Variants in TTC17 observed in about 807,000 individuals in gnomAD.
The protein encoded by TTC17 is tetratricopeptide repeat protein 17.
Under a neutral mutation model 143.8 loss-of-function variants are expected in TTC17, and 58 were observed. The observed-to-expected ratio is 0.40, with a 90% CI of 0.33 to 0.50. The LOEUF is 0.50. Ranked by LOEUF, TTC17 falls within the 20% of genes least tolerant of loss-of-function variation. The pLI is 0.49. For synonymous variants in TTC17, 501 were observed against 497.8 expected (o/e 1.01, Z -0.09); for missense variants, 1,273 against 1,392.5 (o/e 0.91, Z 1.37).
At chr11:43,381,361 C>G (rs985452802) in intron 2 of TTC17, among the ~76,000 whole-genome samples, 1 of 152,020 alleles carries the variant, frequency 6.6e-6, no homozygotes, top group Non-Finnish European at 1.5e-5. Flanking sequence ...CCAAAGCTAC[C>G]GACCTTTTGG....
chr11:43,458,312 C>T (rs575313934), intron 21 of TTC17, among the ~76,000 whole-genome samples: 7 of 152,160 alleles, frequency 4.6e-5, no homozygotes, highest in Non-Finnish European at 8.8e-5. Context: ...TGTGATCCCT[C>T]CAAGTCCATC....
chr11:43,441,555 T>C (rs374595806), intron 16 of TTC17, among the ~76,000 whole-genome samples: 6 of 152,322 alleles, frequency 3.9e-5, no homozygotes, highest in African/African-American at 1.4e-4. Flanking sequence ...GATAGACATA[T>C]AGTAGGCTGT....
At chr11:43,406,434 T>G (rs1190175329) in intron 13 of TTC17, among the ~76,000 whole-genome samples, 1 of 152,164 alleles carries the variant, frequency 6.6e-6, no homozygotes, top group Non-Finnish European at 1.5e-5. Flanking sequence ...TTATGCTCTT[T>G]TCCTAAATTC....
At chr11:43,403,177 T>C (rs181313474) in intron 10 of TTC17, among the ~76,000 whole-genome samples, 16 of 152,256 alleles carry the variant, frequency 1.1e-4, no homozygotes, top group East Asian at 1.9e-4. Flanking sequence ...ATGAAATAGA[T>C]TGAAACCCAA....
chr11:43,444,202 G>A lies in TTC17; in HGVS notation c.2658G>A (p.Gly886=). Residue 886 remains glycine, a synonymous_variant, in exon 18 of 24, where the codon GGG becomes GGA. Transcript: ENST00000039989. ...EITGPKVASP[G]PQGKKRDYQR... ...CTGGCCCCAAGGTGGCATCTCCTGG[G>A]CCACAAGGTAAATTTGAATGTTTAA... 1 of 1,598,134 alleles carries A rather than the reference G, an allele frequency of 6.3e-7. No individual in the cohort carries two copies. Among genetic ancestry groups the A allele is most frequent in the Non-Finnish European group, 8.5e-7 (1 of 1,175,478 alleles).
rs35687112 is a variant in TTC17 at position 43,494,375 on chromosome 11, T to G, written c.*471T>G. 8,750 of 156,266 alleles carry G rather than the reference T, an allele frequency of 0.056. 312 individuals are homozygous for G. Among genetic ancestry groups the G allele is most frequent in the East Asian group, 0.083 (434 of 5,212 alleles). 9.7% of individuals were successfully genotyped at this position (156,266 alleles called of 1,614,324 possible). Reference sequence around the variant, plus strand: ...GAAGCAACGTTCTGCGCTCTCTCCGTTAGACCTCCATGCTGTCCCCAGTCT... The same window carrying G: ...GAAGCAACGTTCTGCGCTCTCTCCGGTAGACCTCCATGCTGTCCCCAGTCT... On this transcript the variant is annotated 3_prime_UTR_variant, in exon 24 of 24. Transcript: ENST00000039989.
At chr11:43,417,999 C>T (rs1946815533) in intron 16 of TTC17, among the ~76,000 whole-genome samples, 1 of 152,152 alleles carries the variant, frequency 6.6e-6, no homozygotes, top group Non-Finnish European at 1.5e-5. Flanking sequence ...ATTTTTAATG[C>T]AGATTTTTAA....
chr11:43,409,689 GA>G (rs1458083231), intron 15 of TTC17, among the ~76,000 whole-genome samples: 2 of 152,164 alleles, frequency 1.3e-5, no homozygotes, highest in Non-Finnish European at 2.9e-5. Context: ...TGAACTCAGG[GA>G]GATTGGCCAC....
At position 43,359,222 on chromosome 11, in the gene TTC17, C is replaced by T. The variant is rs1011397696; in HGVS notation, c.159+109C>T. Reference sequence around the variant, plus strand: ...CGCGCGGCCCCGCCCCCAGCCTACCCTCACAGGGAGGTGGCACCGCGACCT... The same window carrying T: ...CGCGCGGCCCCGCCCCCAGCCTACCTTCACAGGGAGGTGGCACCGCGACCT... On this transcript the variant is annotated intron_variant, in intron 1 of 23. Coordinates refer to ENST00000039989, the MANE Select transcript of TTC17 (RefSeq NM_018259.6). 28 of 1,355,154 alleles carry T rather than the reference C, an allele frequency of 2.1e-5. No individual in the cohort carries two copies. In the African/African-American group the frequency reaches 3.6e-4, roughly 17 times the overall value. 83.9% of individuals were successfully genotyped at this position (1,355,154 alleles called of 1,614,324 possible).
At chr11:43,457,065 G>C (rs1947777505) in intron 21 of TTC17, among the ~76,000 whole-genome samples, 1 of 152,112 alleles carries the variant, frequency 6.6e-6, no homozygotes, top group Non-Finnish European at 1.5e-5. Flanking sequence ...ACAGGAAAAA[G>C]TCTTTTGGGC....
chr11:43,492,155 G>T lies in TTC17; in HGVS notation c.3286G>T (p.Val1096Leu). ...CCACTTCACTCTGGGCAATGTCTAC[G>T]TGGCAATGGTGAGATGGGGGTGTGA... Reference protein sequence around the residue: ...VNHFTLGNVYVAMEEFEKALV... With the variant: ...VNHFTLGNVYLAMEEFEKALV... The change falls in exon 23 of 24, where the codon GTG (valine) becomes TTG (leucine). Residue 1096 changes from valine (V) to leucine (L), a missense_variant. Transcript: ENST00000039989. 1 of 1,613,984 alleles carries T rather than the reference G, an allele frequency of 6.2e-7. No homozygotes were observed. The highest frequency in any genetic ancestry group is 1.1e-5 in the South Asian group (1 of 91,060).
At chr11:43,386,321 A>G (rs1330304164) in intron 2 of TTC17, among the ~76,000 whole-genome samples, 2 of 152,240 alleles carry the variant, frequency 1.3e-5, no homozygotes, top group African/African-American at 2.4e-5. Context: ...TTGTGGGAAC[A>G]TCATAGAGTG....
chr11:43,440,472 C>T (rs1485063067), intron 16 of TTC17, among the ~76,000 whole-genome samples: 2 of 152,150 alleles, frequency 1.3e-5, no homozygotes, highest in African/African-American at 2.4e-5. Context: ...CTTGAAATCA[C>T]CTTTGAGCCT....
At chr11:43,427,007 T>A (rs1338174080) in intron 16 of TTC17, among the ~76,000 whole-genome samples, 1 of 152,180 alleles carries the variant, frequency 6.6e-6, no homozygotes, top group Non-Finnish European at 1.5e-5. Flanking sequence ...CAGTGGTAAG[T>A]TTAAATATCA....
At chr11:43,461,409 A>AC (rs1947865220) in intron 21 of TTC17, among the ~76,000 whole-genome samples, 3 of 149,828 alleles carry the variant, frequency 2.0e-5, no homozygotes, top group South Asian at 2.1e-4. Context: ...AAAAAAAAAA[A>AC]AAAAAAACTA....
rs1184356024 is a variant in TTC17 at position 43,494,702 on chromosome 11, G to GT, written c.*802dup. ...GAAGCCCTCTACAGACTGAGTCTAT[G>GT]TTTTACTAATTCTTTGTTCACTGTG... On this transcript the variant is annotated 3_prime_UTR_variant, in exon 24 of 24. Transcript: ENST00000039989. 4 of 152,162 alleles carry GT rather than the reference G, an allele frequency of 2.6e-5. No individual in the cohort carries two copies. Among genetic ancestry groups the GT allele is most frequent in the Non-Finnish European group, 4.4e-5 (3 of 68,032 alleles). 9.4% of individuals were successfully genotyped at this position (152,162 alleles called of 1,614,324 possible).
chr11:43,359,503 G>T (rs1463934242), intron 1 of TTC17, among the ~76,000 whole-genome samples: 3 of 152,188 alleles, frequency 2.0e-5, no homozygotes, highest in Admixed American at 6.5e-5. Context: ...GAAATAGAAA[G>T]CAGGTGGCAG....
intron 16 of TTC17, among the ~76,000 whole-genome samples, chr11:43,432,479 G>A (rs1947180638): frequency 6.6e-6 from 1 of 152,184 alleles, no homozygotes; most frequent in Admixed American, 6.5e-5. Flanking sequence ...TGCTTTGCAA[G>A]CAAGTAACAG....
chr11:43,446,631 G>A (rs1404839661), intron 18 of TTC17: 36 of 981,126 alleles, frequency 3.7e-5, no homozygotes, highest in South Asian at 1.4e-4. Context: ...TTTCTGTTTT[G>A]TTAAAATCTC....
Sources: gnomAD v4.1 joint callset for allele counts (sites outside exome capture counted in the v4.1 genomes callset) on GRCh38, gnomAD v4.1.1 for gene constraint, MANE v1.5 for transcripts, NCBI Gene and HGNC (gene_info 2026-07-23, HGNC 2026-07-21) for gene names.